SLC24A2: variants seen among roughly 807,000 people sequenced by gnomAD.
SLC24A2 encodes the protein sodium/potassium/calcium exchanger 2.
A neutral mutation model predicts 62.0 loss-of-function variants in SLC24A2; 36 were observed. The observed-to-expected ratio is 0.58, with a 90% confidence interval of 0.44 to 0.77. The LOEUF (loss-of-function observed/expected upper bound fraction) is 0.77, where lower values mean the gene tolerates loss of function less well. Ranked by LOEUF, SLC24A2 falls within the 30% of genes least tolerant of loss-of-function variation. The pLI is 0.00. For synonymous variants in SLC24A2, 358 were observed against 294.0 expected (o/e 1.22, Z -2.23); for missense variants, 846 against 817.9 (o/e 1.03, Z -0.42).
At chr9:20,079,770 A>G in the SLC24A2 span, among the ~76,000 whole-genome samples, 2 of 152,204 alleles carry the variant, frequency 1.3e-5, no homozygotes, top group African/African-American at 2.4e-5. Context: ...TGATTTTTGC[A>G]CATTGATTTT....
intron 2 of SLC24A2, among the ~76,000 whole-genome samples, chr9:19,737,368 TTTAA>T (rs773908170): frequency 1.3e-5 from 2 of 152,336 alleles, no homozygotes; most frequent in Admixed American, 6.5e-5. Flanking sequence ...GATTATTATA[TTTAA>T]TTATTATGAA....
At chr9:19,545,025 C>T (rs1232531580) in intron 8 of SLC24A2, among the ~76,000 whole-genome samples, 2 of 152,100 alleles carry the variant, frequency 1.3e-5, no homozygotes, top group Non-Finnish European at 2.9e-5. Flanking sequence ...AAGTGTTTTC[C>T]AACTTGGTTC....
the SLC24A2 span, among the ~76,000 whole-genome samples, chr9:20,233,034 T>G: frequency 6.6e-6 from 1 of 152,110 alleles, no homozygotes; most frequent in African/African-American, 2.4e-5. Context: ...AGTTGAGTGG[T>G]TTTGAGTGAG....
At chr9:20,280,188 G>T in the SLC24A2 span, among the ~76,000 whole-genome samples, 1 of 152,206 alleles carries the variant, frequency 6.6e-6, no homozygotes, top group African/African-American at 2.4e-5. Flanking sequence ...ATGGGGCTCC[G>T]AAGAAAGTTA....
At chr9:19,892,793 C>G in the SLC24A2 span, among the ~76,000 whole-genome samples, 1 of 151,942 alleles carries the variant, frequency 6.6e-6, no homozygotes, top group African/African-American at 2.4e-5. Context: ...GAATTTTGGC[C>G]CAAGGTCACA....
the SLC24A2 span, among the ~76,000 whole-genome samples, chr9:19,832,511 A>G: frequency 6.6e-6 from 1 of 152,220 alleles, no homozygotes; most frequent in African/African-American, 2.4e-5. Flanking sequence ...TATTTAATAA[A>G]TAGTGCTGGG....
At chr9:20,213,078 C>T in the SLC24A2 span, among the ~76,000 whole-genome samples, 34 of 151,512 alleles carry the variant, frequency 2.2e-4, no homozygotes, top group Admixed American at 2.2e-3. Flanking sequence ...GCATACTGGG[C>T]TTAATATGTA....
At chr9:19,781,093 C>T (rs559263760) in intron 2 of SLC24A2, among the ~76,000 whole-genome samples, 4 of 152,180 alleles carry the variant, frequency 2.6e-5, no homozygotes, top group Admixed American at 2.6e-4. Context: ...AAAGACAATG[C>T]TTGTGAAACT....
At chr9:20,248,546 G>C in the SLC24A2 span, among the ~76,000 whole-genome samples, 6 of 152,108 alleles carry the variant, frequency 3.9e-5, no homozygotes, top group African/African-American at 1.4e-4. Flanking sequence ...AGGCTCTCTT[G>C]TGTCTCTTTT....
intron 2 of SLC24A2, among the ~76,000 whole-genome samples, chr9:19,689,223 C>T (rs1313057723): frequency 3.3e-5 from 5 of 152,080 alleles, no homozygotes; most frequent in African/African-American, 9.7e-5. Flanking sequence ...TTAGCCAGTG[C>T]GCTTCTCCAC....
chr9:19,974,844 T>C, the SLC24A2 span, among the ~76,000 whole-genome samples: 2 of 152,144 alleles, frequency 1.3e-5, no homozygotes, highest in African/African-American at 4.8e-5. Flanking sequence ...GGCTGCAAAA[T>C]GGTCAGATAT....
the SLC24A2 span, among the ~76,000 whole-genome samples, chr9:20,196,125 C>A: frequency 6.6e-6 from 1 of 152,124 alleles, no homozygotes; most frequent in East Asian, 1.9e-4. Context: ...GAAGGGCTAC[C>A]ATGAACAGTT....
intron 2 of SLC24A2, among the ~76,000 whole-genome samples, chr9:19,748,372 A>C (rs1270123475): frequency 6.6e-6 from 1 of 152,156 alleles, no homozygotes; most frequent in Non-Finnish European, 1.5e-5. Context: ...AAGATGACAA[A>C]ACATTAATCC....
chr9:20,263,501 G>T, the SLC24A2 span, among the ~76,000 whole-genome samples: 1 of 151,910 alleles, frequency 6.6e-6, no homozygotes, highest in Non-Finnish European at 1.5e-5. Flanking sequence ...CTCCCACCTC[G>T]GCCCCCCAAA....
At chr9:19,526,445 G>T (rs182787582) in intron 9 of SLC24A2, among the ~76,000 whole-genome samples, 2 of 152,270 alleles carry the variant, frequency 1.3e-5, no homozygotes, top group Non-Finnish European at 2.9e-5. Flanking sequence ...CAAAGTGGCT[G>T]CACTGTTTTA....
chr9:19,749,660 A>G (rs1222738254), intron 2 of SLC24A2, among the ~76,000 whole-genome samples: 1 of 152,232 alleles, frequency 6.6e-6, no homozygotes, highest in Non-Finnish European at 1.5e-5. Flanking sequence ...CAGATAAACA[A>G]TGAATCATTT....
the SLC24A2 span, among the ~76,000 whole-genome samples, chr9:20,196,203 C>A: frequency 6.6e-6 from 1 of 152,144 alleles, no homozygotes; most frequent in African/African-American, 2.4e-5. Flanking sequence ...TCAATGTAAT[C>A]TTTGAATCTG....
At chr9:19,988,295 T>A in the SLC24A2 span, among the ~76,000 whole-genome samples, 3 of 152,194 alleles carry the variant, frequency 2.0e-5, no homozygotes, top group Admixed American at 6.5e-5. Flanking sequence ...CAGCCCCAGA[T>A]GGTCAGTCTG....
At chr9:20,265,109 C>A in the SLC24A2 span, among the ~76,000 whole-genome samples, 2 of 152,230 alleles carry the variant, frequency 1.3e-5, no homozygotes, top group South Asian at 2.1e-4. Flanking sequence ...CGGGCTACAG[C>A]GGGAGATCCA....
Sources: gnomAD v4.1 joint callset for allele counts (sites outside exome capture counted in the v4.1 genomes callset) on GRCh38, gnomAD v4.1.1 for gene constraint, MANE v1.5 for transcripts, NCBI Gene and HGNC (gene_info 2026-07-23, HGNC 2026-07-21) for gene names.